Variants in CDH8 observed in about 807,000 individuals in gnomAD.
CDH8 encodes the protein cadherin 8.
In CDH8, 17 loss-of-function variants were observed where a neutral mutation model predicts 68.1. The ratio of observed to expected loss-of-function variants is 0.25; its 90% CI spans 0.17 to 0.37. CDH8 has a LOEUF of 0.37. Among genes scored for constraint, CDH8 ranks in the 10% least tolerant of loss-of-function variants. CDH8 has a pLI of 1.00. For synonymous variants in CDH8, 372 were observed against 365.1 expected, an observed-to-expected ratio of 1.02 and a Z score of -0.21; for missense variants, 763 against 999.3, an observed-to-expected ratio of 0.76 and a Z score of 3.19.
At chr16:61,664,298 C>A (rs2142762367) in intron 10 of CDH8, among the ~76,000 whole-genome samples, 1 of 151,910 alleles carries the variant, frequency 6.6e-6, no homozygotes, top group African/African-American at 2.4e-5. Context: ...TATCAAAACA[C>A]TATTACAAAG....
At chr16:61,736,989 T>C (rs1256883401) in intron 8 of CDH8, among the ~76,000 whole-genome samples, 1 of 152,188 alleles carries the variant, frequency 6.6e-6, no homozygotes, top group Non-Finnish European at 1.5e-5. Context: ...GGTTTTCACA[T>C]ATGATAGAAG....
At chr16:61,884,078 T>A (rs1963627293) in intron 3 of CDH8, among the ~76,000 whole-genome samples, 1 of 152,148 alleles carries the variant, frequency 6.6e-6, no homozygotes, top group African/African-American at 2.4e-5. Flanking sequence ...TTCTGTTGGT[T>A]TAACTAAGAG....
chr16:61,973,192 C>T (rs955586931), intron 2 of CDH8, among the ~76,000 whole-genome samples: 5 of 152,188 alleles, frequency 3.3e-5, no homozygotes, highest in African/African-American at 1.2e-4. Context: ...AATAACTTGT[C>T]TTCCTCCTCA....
intron 2 of CDH8, among the ~76,000 whole-genome samples, chr16:61,977,480 C>A (rs1965456269): frequency 6.6e-6 from 1 of 152,096 alleles, no homozygotes. Context: ...GATGGCTGAA[C>A]TGTCAATATG....
intron 2 of CDH8, among the ~76,000 whole-genome samples, chr16:61,994,017 C>T (rs141701611): frequency 0.015 from 2,244 of 152,264 alleles, 36 homozygotes; most frequent in African/African-American, 0.035. Flanking sequence ...GCTCCCATCA[C>T]ATACATGGTA....
chr16:61,935,508 C>T (rs923938555), intron 2 of CDH8, among the ~76,000 whole-genome samples: 1 of 152,134 alleles, frequency 6.6e-6, no homozygotes, highest in Non-Finnish European at 1.5e-5. Context: ...TGAATGTCCT[C>T]ATCTTCATCC....
At chr16:61,836,469 GACA>G (rs1269713453) in intron 4 of CDH8, among the ~76,000 whole-genome samples, 1 of 152,006 alleles carries the variant, frequency 6.6e-6, no homozygotes, top group Non-Finnish European at 1.5e-5. Context: ...ACACTGTGAT[GACA>G]ACATCAATAA....
intron 8 of CDH8, among the ~76,000 whole-genome samples, 154 bp downstream of exon 8, chr16:61,789,192 G>A (rs1472140586): frequency 1.3e-5 from 2 of 152,006 alleles, no homozygotes; most frequent in Non-Finnish European, 2.9e-5. Context: ...GTTATTTTGT[G>A]TTGAGATGAT....
intron 10 of CDH8, among the ~76,000 whole-genome samples, chr16:61,702,855 CT>C (rs771572148): frequency 2.0e-5 from 3 of 152,142 alleles, no homozygotes; most frequent in Admixed American, 6.5e-5. Flanking sequence ...AAGTCACTTA[CT>C]ATAGCTGAAC....
rs552218132 is a variant in CDH8, at chr16:61,897,802, A to C, written c.547+3377T>G. On this transcript the variant is annotated intron_variant, in intron 3 of 11. Transcript: ENST00000577390. ...CTGGCCTAAATGAAATGACCAAACAATATGAAAAAAAGTGAAATATATATA... is the reference window on the plus strand; with the variant it reads ...CTGGCCTAAATGAAATGACCAAACACTATGAAAAAAAGTGAAATATATATA... 7.9e-5 allele frequency among the ~76,000 whole-genome samples: 12 copies of C among 152,336 alleles called. No homozygotes were observed. In the South Asian group the frequency reaches 2.3e-3, roughly 29 times the overall value.
At chr16:61,724,511 T>A (rs1160971924) in intron 9 of CDH8, among the ~76,000 whole-genome samples, 2 of 150,728 alleles carry the variant, frequency 1.3e-5, no homozygotes, top group South Asian at 2.1e-4. Flanking sequence ...GGCTTATCCT[T>A]CCTTGATTAT....
chr16:61,663,067 C>T (rs1027418745), intron 10 of CDH8, among the ~76,000 whole-genome samples: 4 of 151,920 alleles, frequency 2.6e-5, no homozygotes, highest in Admixed American at 6.6e-5. Flanking sequence ...GCTAAGAGCA[C>T]CAGTCATGCA....
chr16:61,676,727 AACATAC>A (rs1219456171), intron 10 of CDH8, among the ~76,000 whole-genome samples: 1 of 152,124 alleles, frequency 6.6e-6, no homozygotes, highest in Non-Finnish European at 1.5e-5. Flanking sequence ...ACCTTCATTT[AACATAC>A]AGCTTAGAAA....
chr16:62,031,580 A>G (rs1265108712), intron 1 of CDH8, among the ~76,000 whole-genome samples: 2 of 152,088 alleles, frequency 1.3e-5, no homozygotes, highest in Admixed American at 6.6e-5. Context: ...GGTTCCAAAT[A>G]TAAATGGTAT....
At chr16:61,816,559 C>T (rs773055607) in intron 7 of CDH8, among the ~76,000 whole-genome samples, 4 of 152,132 alleles carry the variant, frequency 2.6e-5, no homozygotes, top group Non-Finnish European at 5.9e-5. Context: ...TTCTTACTCT[C>T]TATCTCCTTG....
chr16:61,724,301 A>G (rs1296378011), intron 9 of CDH8, among the ~76,000 whole-genome samples: 1 of 150,818 alleles, frequency 6.6e-6, no homozygotes, highest in Non-Finnish European at 1.5e-5. Context: ...AGACAAGAGA[A>G]AGCGACCTCC....
At position 61,755,406 on chromosome 16, in the gene CDH8, T is replaced by G. The variant is rs1021521287; in HGVS notation, c.1415-28191A>C. ...CTTTATATATTTATTAAATGTGTAT[T>G]TATGTATAGCCACGTATTGGCGTGT... On this transcript the variant is annotated intron_variant, in intron 8 of 11. Coordinates refer to ENST00000577390, the MANE Select transcript of CDH8 (RefSeq NM_001796.5). Among the ~76,000 whole-genome samples the G allele has an allele frequency of 2.0e-5, 3 of 152,158 alleles. No individual in the cohort carries two copies. In the East Asian group the frequency reaches 5.8e-4, roughly 29 times the overall value.
chr16:61,707,235 G>T (rs111811348), intron 10 of CDH8, among the ~76,000 whole-genome samples: 80 of 152,238 alleles, frequency 5.3e-4, no homozygotes, highest in African/African-American at 1.8e-3. Context: ...TAGAGAGGAA[G>T]AGGACAAGGA....
chr16:61,827,560 G>A (rs1467032589), intron 4 of CDH8, among the ~76,000 whole-genome samples: 1 of 151,854 alleles, frequency 6.6e-6, no homozygotes, highest in Non-Finnish European at 1.5e-5. Flanking sequence ...TAGGCATTTG[G>A]AATTAAAATA....
Sources: gnomAD v4.1 joint callset for allele counts (sites outside exome capture counted in the v4.1 genomes callset) on GRCh38, gnomAD v4.1.1 for gene constraint, MANE v1.5 for transcripts, NCBI Gene and HGNC (gene_info 2026-07-23, HGNC 2026-07-21) for gene names.